The following TNS3 variants were observed in gnomAD, a reference collection of about 807,000 sequenced individuals.
The protein encoded by TNS3 is tensin 3, also known as tensin-3.
In TNS3, 45 loss-of-function variants were observed where a neutral mutation model predicts 140.9. The ratio of observed to expected loss-of-function variants is 0.32; its 90% CI spans 0.25 to 0.41. TNS3 has a LOEUF of 0.41. TNS3 is among the 10% of genes least tolerant of loss of function. TNS3 has a pLI of 1.00. For synonymous variants in TNS3, 815 were observed against 788.4 expected (o/e 1.03, Z -0.56); for missense variants, 1,716 against 1,906.7 (o/e 0.90, Z 1.86).
At chr7:47,554,213 G>C (rs1800136044) in intron 1 of TNS3, among the ~76,000 whole-genome samples, 1 of 150,072 alleles carries the variant, frequency 6.7e-6, no homozygotes, top group Non-Finnish European at 1.5e-5. Context: ...GAGGTCAGGA[G>C]TTCAAGACCT....
intron 4 of TNS3, among the ~76,000 whole-genome samples, chr7:47,475,196 G>A (rs1025136910): frequency 2.0e-5 from 3 of 152,252 alleles, no homozygotes; most frequent in Admixed American, 1.3e-4. Context: ...AAGGTGGAGT[G>A]TGAGCTCCAG....
intron 3 of TNS3, among the ~76,000 whole-genome samples, chr7:47,503,269 C>G (rs77018247): frequency 2.0e-5 from 3 of 152,052 alleles, no homozygotes; most frequent in African/African-American, 7.2e-5. Flanking sequence ...CACCATGATG[C>G]CAGGCTGCAG....
intron 20 of TNS3, among the ~76,000 whole-genome samples, chr7:47,306,781 G>A (rs551642840): frequency 6.6e-6 from 1 of 152,294 alleles, no homozygotes; most frequent in Admixed American, 6.5e-5. Flanking sequence ...GTTTCATCAT[G>A]TTAGCAAGCA....
chr7:47,530,381 G>A, intron 1 of TNS3, among the ~76,000 whole-genome samples: 1 of 152,102 alleles, frequency 6.6e-6, no homozygotes, highest in East Asian at 1.9e-4. Context: ...ACAAGCATCA[G>A]TAAGCTGTGG....
At chr7:47,517,260 T>A (rs1019045766) in intron 2 of TNS3, among the ~76,000 whole-genome samples, 1 of 151,930 alleles carries the variant, frequency 6.6e-6, no homozygotes, top group Non-Finnish European at 1.5e-5. Flanking sequence ...TCCTGGATGG[T>A]CTCCACAAGC....
upstream of TNS3, chr7:47,582,325 C>A: frequency 2.4e-6 from 1 of 417,108 alleles, no homozygotes; most frequent in South Asian, 1.7e-5. Context: ...GACCTCCCTT[C>A]GCTGGCCGCA....
chr7:47,546,151 C>T (rs62446486), intron 1 of TNS3, among the ~76,000 whole-genome samples: 2 of 152,082 alleles, frequency 1.3e-5, no homozygotes, highest in Non-Finnish European at 2.9e-5. Flanking sequence ...TCACTGCCTG[C>T]GGGTTTATTA....
intron 6 of TNS3, among the ~76,000 whole-genome samples, chr7:47,438,363 G>C (rs924186879): frequency 6.6e-6 from 1 of 152,198 alleles, no homozygotes; most frequent in African/African-American, 2.4e-5. Flanking sequence ...AGGGGGACTG[G>C]GGAAGAGGGG....
At chr7:47,364,739 G>A (rs185615915) in intron 17 of TNS3, among the ~76,000 whole-genome samples, 20 of 152,290 alleles carry the variant, frequency 1.3e-4, no homozygotes, top group South Asian at 4.1e-4. Context: ...AAGAGGAAGC[G>A]GAGCTCCCAG....
In TNS3 at chr7:47,566,929, C is replaced by T. The variant is rs1243344796; in HGVS notation, c.-265+15122G>A. On this transcript the variant is annotated intron_variant, in intron 1 of 30. Coordinates refer to ENST00000311160, the MANE Select transcript of TNS3 (RefSeq NM_022748.12). ...GGTGGGTGTGTGCCTATAGTCCCAG[C>T]TACTGAGGCAGGAGAATCACCTGAA... Among the ~76,000 whole-genome samples the T allele has an allele frequency of 3.3e-5, 5 of 149,680 alleles. No individual in the cohort carries two copies. The East Asian group carries it at 9.9e-4, about 30-fold the overall frequency.
At chr7:47,568,048 G>A (rs951289213) in intron 1 of TNS3, among the ~76,000 whole-genome samples, 4 of 152,126 alleles carry the variant, frequency 2.6e-5, no homozygotes, top group African/African-American at 9.7e-5. Flanking sequence ...CAGGCACCCC[G>A]GCAAAACTCC....
intron 23 of TNS3, among the ~76,000 whole-genome samples, chr7:47,300,659 C>T (rs551533790): frequency 2.3e-4 from 35 of 152,356 alleles, no homozygotes; most frequent in Non-Finnish European, 4.3e-4. Context: ...CATCGCCCTG[C>T]CCTAGAAGAC....
intron 21 of TNS3, among the ~76,000 whole-genome samples, chr7:47,303,871 C>A (rs1241561633): frequency 6.6e-6 from 1 of 152,210 alleles, no homozygotes; most frequent in Non-Finnish European, 1.5e-5. Flanking sequence ...GCTCCCTCGG[C>A]CCCTGCGCCT....
At chr7:47,423,777 T>C (rs1427864037) in intron 10 of TNS3, among the ~76,000 whole-genome samples, 1 of 152,204 alleles carries the variant, frequency 6.6e-6, no homozygotes, top group Non-Finnish European at 1.5e-5. Context: ...GTCTAGCCAA[T>C]AGAACCAAGT....
chr7:47,424,678 TC>T (rs1021802758), intron 9 of TNS3, among the ~76,000 whole-genome samples: 1 of 151,956 alleles, frequency 6.6e-6, no homozygotes, highest in African/African-American at 2.4e-5. Flanking sequence ...CCCCATGAAG[TC>T]CCAAGAGGCA....
At chr7:47,567,479 T>C (rs1800454393) in intron 1 of TNS3, among the ~76,000 whole-genome samples, 1 of 151,920 alleles carries the variant, frequency 6.6e-6, no homozygotes, top group African/African-American at 2.4e-5. Context: ...GGTCAGGAAA[T>C]CGAGACCATC....
chr7:47,515,961 C>A (rs945704902), intron 2 of TNS3, among the ~76,000 whole-genome samples: 10 of 152,214 alleles, frequency 6.6e-5, no homozygotes, highest in African/African-American at 2.4e-4. Context: ...CCACCATCCA[C>A]CTCACCTCCA....
At chr7:47,367,627 G>T (rs1277470841) in intron 17 of TNS3, among the ~76,000 whole-genome samples, 2 of 152,100 alleles carry the variant, frequency 1.3e-5, no homozygotes, top group African/African-American at 4.8e-5. Context: ...CTGGTTTTGG[G>T]GCATCCCCAG....
chr7:47,444,828 A>G (rs1465930346), intron 4 of TNS3, among the ~76,000 whole-genome samples: 1 of 152,242 alleles, frequency 6.6e-6, no homozygotes, highest in East Asian at 1.9e-4. Flanking sequence ...CAATAGTTAT[A>G]TAATTTCTAA....
Sources: gnomAD v4.1 joint callset for allele counts (sites outside exome capture counted in the v4.1 genomes callset) on GRCh38, gnomAD v4.1.1 for gene constraint, MANE v1.5 for transcripts, NCBI Gene and HGNC (gene_info 2026-07-23, HGNC 2026-07-21) for gene names.